Variants in SCUBE1 observed in about 807,000 individuals in gnomAD.
SCUBE1 encodes signal peptide, CUB domain and EGF like domain containing 1, also known as signal peptide, CUB and EGF-like domain-containing protein 1.
SCUBE1 carries 59 observed loss-of-function variants against 124.4 expected under a neutral mutation model. That is an observed-to-expected ratio of 0.47 (90% CI 0.38 to 0.59). The LOEUF is 0.59. Ranked by LOEUF, SCUBE1 falls within the 20% of genes least tolerant of loss-of-function variation. SCUBE1 has a pLI of 0.00. For missense variants in SCUBE1, 1,150 were observed against 1,371.2 expected (o/e 0.84, Z 2.55); for synonymous variants, 545 against 550.9 (o/e 0.99, Z 0.15).
At chr22:43,222,515 C>T (rs976140086) in intron 12 of SCUBE1, 123 bp downstream of exon 12, 11 of 736,612 alleles carry the variant, frequency 1.5e-5, no homozygotes, top group Non-Finnish European at 2.0e-5. Flanking sequence ...CCAGGCCACA[C>T]GGAGCAGGGC....
chr22:43,314,842 G>C, intron 3 of SCUBE1, among the ~76,000 whole-genome samples: 1 of 152,150 alleles, frequency 6.6e-6, no homozygotes, highest in East Asian at 1.9e-4. Context: ...TAGGTCATTA[G>C]TTAGGAATAT....
intron 7 of SCUBE1, chr22:43,232,079 T>A (rs1922578830): frequency 1.7e-6 from 1 of 585,682 alleles, no homozygotes; most frequent in Admixed American, 2.9e-5. Flanking sequence ...TGGGTTGTAC[T>A]GGGAAGGGCC....
intron 2 of SCUBE1, among the ~76,000 whole-genome samples, chr22:43,337,757 A>C (rs1477014355): frequency 6.6e-6 from 1 of 152,212 alleles, no homozygotes; most frequent in Non-Finnish European, 1.5e-5. Flanking sequence ...CCCAGGGAGG[A>C]GTGGCTGCAT....
At chr22:43,241,115 T>G (rs1349717255) in intron 6 of SCUBE1, among the ~76,000 whole-genome samples, 1 of 152,152 alleles carries the variant, frequency 6.6e-6, no homozygotes, top group Non-Finnish European at 1.5e-5. Flanking sequence ...TTCTCTTCCC[T>G]GAAGTCCCTA....
intron 4 of SCUBE1, among the ~76,000 whole-genome samples, chr22:43,288,513 T>A (rs4822273): frequency 0.2 from 30,858 of 152,150 alleles, 4,898 homozygotes; most frequent in African/African-American, 0.43. Flanking sequence ...CGCTTCGTGC[T>A]CTCTGCTCCT....
At chr22:43,226,302 C>A (rs79034388) in intron 10 of SCUBE1, among the ~76,000 whole-genome samples, 5,574 of 152,198 alleles carry the variant, frequency 0.037, 321 homozygotes, top group African/African-American at 0.12. Flanking sequence ...GGAGGGAAAG[C>A]AAGCTGGAAG....
intron 20 of SCUBE1, 33 bp from the exon 21 acceptor site, chr22:43,207,646 C>T (rs563097969): frequency 7.6e-6 from 12 of 1,572,118 alleles, no homozygotes; most frequent in Non-Finnish European, 8.8e-6. Flanking sequence ...GAGAGGAAGG[C>T]GAGGGGCTTG....
intron 10 of SCUBE1, 95 bp from the exon 11 acceptor site, chr22:43,223,311 C>A: frequency 1.5e-6 from 2 of 1,365,232 alleles, no homozygotes; most frequent in South Asian, 3.0e-5. Flanking sequence ...GGGGACTCCC[C>A]CAACTCCCTT....
At chr22:43,341,687 C>G (rs963155111) in intron 1 of SCUBE1, among the ~76,000 whole-genome samples, 4 of 152,130 alleles carry the variant, frequency 2.6e-5, no homozygotes, top group African/African-American at 4.8e-5. Context: ...GCCACTTGTC[C>G]CCATCGGTTC....
At chr22:43,319,435 C>T (rs181202810) in intron 3 of SCUBE1, among the ~76,000 whole-genome samples, 25 of 151,666 alleles carry the variant, frequency 1.6e-4, no homozygotes, top group African/African-American at 5.3e-4. Context: ...TGTGGTGGCA[C>T]GCCTGTAATC....
chr22:43,307,759 G>C (rs1433199668), intron 3 of SCUBE1, among the ~76,000 whole-genome samples: 1 of 152,182 alleles, frequency 6.6e-6, no homozygotes, highest in Non-Finnish European at 1.5e-5. Flanking sequence ...AAAGATTTCT[G>C]CTGCTATAAA....
chr22:43,343,329 C>G lies in SCUBE1; in HGVS notation c.-68G>C. 1.3e-6 allele frequency: 1 copy of G among 783,746 alleles called. No homozygotes were observed. 48.5% of individuals were successfully genotyped at this position (783,746 alleles called of 1,614,324 possible). A position where few individuals can be genotyped will look rare whatever the true frequency, so the allele number is the denominator to read the frequency against. On this transcript the variant is annotated 5_prime_UTR_variant, in exon 1 of 22. Coordinates refer to ENST00000360835, the MANE Select transcript of SCUBE1 (RefSeq NM_173050.5). ...GGGGACCCGACCGACCGGCCGCTCCCGCAGGCGCTGCTCGCTGCTCGCCGC... is the reference window on the plus strand; with the variant it reads ...GGGGACCCGACCGACCGGCCGCTCCGGCAGGCGCTGCTCGCTGCTCGCCGC...
chr22:43,288,644 G>T (rs1180936427), intron 4 of SCUBE1, among the ~76,000 whole-genome samples: 1 of 152,198 alleles, frequency 6.6e-6, no homozygotes, highest in South Asian at 2.1e-4. Flanking sequence ...CTCCAGCACC[G>T]TCTGCTGCAC....
At chr22:43,286,334 G>C (rs1249736377) in intron 4 of SCUBE1, among the ~76,000 whole-genome samples, 1 of 152,278 alleles carries the variant, frequency 6.6e-6, no homozygotes, top group South Asian at 2.1e-4. Flanking sequence ...GCCCCGCTGT[G>C]AGCCTGTGCT....
chr22:43,216,916 A>ACC (rs1921841853), intron 15 of SCUBE1, among the ~76,000 whole-genome samples: 1 of 54,626 alleles, frequency 1.8e-5, no homozygotes, highest in Admixed American at 2.5e-4. Context: ...TCCCACCCCC[A>ACC]CTGCCAGGTG....
chr22:43,280,708 TCCTCGGCCACCCTCCTGTCACCTTC>T, intron 4 of SCUBE1, among the ~76,000 whole-genome samples: 1 of 69,350 alleles, frequency 1.4e-5, no homozygotes, highest in Non-Finnish European at 2.7e-5. Context: ...ACCACCTTCC[TCCTCGGCCACCCTCCTGTCACCTTC>T]CTCCTCGGCC....
intron 6 of SCUBE1, among the ~76,000 whole-genome samples, chr22:43,256,822 G>T (rs1923679240): frequency 6.6e-6 from 1 of 152,214 alleles, no homozygotes; most frequent in Non-Finnish European, 1.5e-5. Context: ...GCCGGACAGT[G>T]GAGGGAGAGA....
Position 43,197,512 on chromosome 22 carries a change from G to A in SCUBE1, c.*6485C>T, listed in dbSNP as rs1001093649. The A allele has an allele frequency of 2.0e-5, 3 of 152,270 alleles. No homozygotes were observed. Among genetic ancestry groups the A allele is most frequent in the Non-Finnish European group, 2.9e-5 (2 of 68,084 alleles). 9.4% of individuals were successfully genotyped at this position (152,270 alleles called of 1,614,324 possible). The stretch of plus-strand genomic sequence containing the variant: ...TGCGGGCCGCTAGCACAGCGCCCTG[G>A]TGTCCTGTTCCCCGAGCAATGTGGC... On this transcript the variant is annotated 3_prime_UTR_variant, in exon 22 of 22. Transcript: ENST00000360835.
Position 43,210,303 on chromosome 22 carries a change from G to A in SCUBE1, c.2384-63C>T. 1 of 1,411,436 alleles carries A rather than the reference G, an allele frequency of 7.1e-7. No homozygotes were observed. The highest frequency in any genetic ancestry group is 9.4e-7 in the Non-Finnish European group (1 of 1,069,296). 87.4% of individuals were successfully genotyped at this position (1,411,436 alleles called of 1,614,324 possible). A position where few individuals can be genotyped will look rare whatever the true frequency, so the allele number is the denominator to read the frequency against. ...GCTGGGCAGGGGCCCTGGCCGGCCA[G>A]GCCTCTAACCACCTGGGAGGCCTAG... is the stretch of plus-strand genomic sequence containing the variant. On this transcript the variant is annotated intron_variant, in intron 18 of 21. Transcript: ENST00000360835. The surrounding 1 kb of genome is among the most constrained non-coding windows in gnomAD (Gnocchi z 4.5).
Sources: allele counts gnomAD v4.1 joint callset (sites outside exome capture counted in the v4.1 genomes callset), GRCh38; gene constraint gnomAD v4.1.1; non-coding constraint Gnocchi (gnomAD v3.1); transcripts MANE v1.5; gene names NCBI Gene and HGNC (gene_info 2026-07-23, HGNC 2026-07-21).